ETS1: variants seen among roughly 807,000 people sequenced by gnomAD.
ETS1 encodes the protein ETS proto-oncogene 1, transcription factor, also known as protein C-ets-1.
A neutral mutation model predicts 58.6 loss-of-function variants in ETS1; 15 were observed. The observed-to-expected ratio is 0.26, with a 90% CI of 0.17 to 0.39. The LOEUF (loss-of-function observed/expected upper bound fraction) is 0.39, where lower values mean the gene tolerates loss of function less well. ETS1 is among the 10% of genes least tolerant of loss of function. ETS1 has a pLI of 1.00. For synonymous variants in ETS1, 214 were observed against 218.2 expected, an observed-to-expected ratio of 0.98 and a Z score of 0.17; for missense variants, 417 against 610.5, an observed-to-expected ratio of 0.68 and a Z score of 3.34.
intron 1 of ETS1, among the ~76,000 whole-genome samples, chr11:128,585,230 G>A (rs1865003558): frequency 7.8e-6 from 1 of 129,008 alleles, no homozygotes. Context: ...AAGAAAGAAA[G>A]AAAGAAAGAA....
chr11:128,486,988 G>C (rs919883040), intron 5 of ETS1, among the ~76,000 whole-genome samples: 1 of 152,196 alleles, frequency 6.6e-6, no homozygotes, highest in Non-Finnish European at 1.5e-5. Context: ...AGCTTGTTAG[G>C]AGCAAAGTCT....
chr11:128,493,645 C>T (rs902264123), intron 3 of ETS1, among the ~76,000 whole-genome samples: 2 of 152,088 alleles, frequency 1.3e-5, no homozygotes, highest in African/African-American at 4.8e-5. Context: ...GTCTTTGGAG[C>T]CAAAGGATTC....
chr11:128,585,056 GAA>G (rs1453421481), intron 1 of ETS1, among the ~76,000 whole-genome samples: 2 of 20,046 alleles, frequency 1.0e-4, no homozygotes, highest in African/African-American at 9.4e-4. Flanking sequence ...AAGAAAGAAA[GAA>G]AGAAAGAAAG....
At chr11:128,518,968 G>T (rs1033650914) in intron 3 of ETS1, among the ~76,000 whole-genome samples, 1 of 152,222 alleles carries the variant, frequency 6.6e-6, no homozygotes, top group Admixed American at 6.5e-5. Flanking sequence ...TTGAAGGAAA[G>T]GAAAAATTAA....
chr11:128,572,235 T>A (rs1864651309), intron 2 of ETS1: 1 of 148,174 alleles, frequency 6.7e-6, no homozygotes, highest in African/African-American at 2.5e-5. Context: ...ATTGTGCCAC[T>A]GCACTCCAGC....
chr11:128,493,287 T>A (rs1413598224), intron 3 of ETS1, among the ~76,000 whole-genome samples: 2 of 152,230 alleles, frequency 1.3e-5, no homozygotes, highest in East Asian at 3.8e-4. Flanking sequence ...CTCCCATAAC[T>A]ACACAAGCCC....
intron 8 of ETS1, among the ~76,000 whole-genome samples, chr11:128,473,547 C>G (rs186857306): frequency 6.6e-6 from 1 of 152,156 alleles, no homozygotes; most frequent in African/African-American, 2.4e-5. Context: ...TCCATGCTCT[C>G]AATTCTACAG....
intron 3 of ETS1, among the ~76,000 whole-genome samples, chr11:128,510,391 G>T (rs1453957546): frequency 6.6e-6 from 1 of 152,082 alleles, no homozygotes; most frequent in African/African-American, 2.4e-5. Context: ...GCCAGACTTG[G>T]GTATCCTGAT....
chr11:128,517,117 G>A (rs1863546303), intron 3 of ETS1, among the ~76,000 whole-genome samples: 2 of 152,178 alleles, frequency 1.3e-5, no homozygotes, highest in African/African-American at 4.8e-5. Context: ...TGGACTGCCA[G>A]GCCTGGGGAC....
chr11:128,582,541 G>A (rs1271625795), intron 1 of ETS1, among the ~76,000 whole-genome samples: 1 of 152,160 alleles, frequency 6.6e-6, no homozygotes, highest in African/African-American at 2.4e-5. Flanking sequence ...CAACATGGCA[G>A]AGGTTATTTA....
intron 2 of ETS1, among the ~76,000 whole-genome samples, chr11:128,569,174 C>T (rs1435615780): frequency 1.3e-5 from 2 of 152,110 alleles, no homozygotes; most frequent in Admixed American, 6.6e-5. Flanking sequence ...GCCAGGAGCA[C>T]CTCCTAAATT....
intron 1 of ETS1, among the ~76,000 whole-genome samples, chr11:128,576,280 G>A (rs1471121419): frequency 6.6e-6 from 1 of 152,206 alleles, no homozygotes; most frequent in East Asian, 1.9e-4. Context: ...TTGTGACACA[G>A]AACAGCTGCT....
chr11:128,503,656 C>T (rs954121789), intron 3 of ETS1, among the ~76,000 whole-genome samples: 5 of 152,180 alleles, frequency 3.3e-5, no homozygotes, highest in Admixed American at 3.3e-4. Context: ...CATTCAAACA[C>T]TGCTTCCTTG....
chr11:128,486,133 T>G lies in ETS1; in HGVS notation c.549A>C (p.Pro183=). ...CTGGGTTGACTCCATTAACTTGATA[T>G]GGTTTCACATCCTCTGTAATGAACA... is the stretch of plus-strand genomic sequence containing the variant. The part of the protein sequence containing the change: ...LEILQKEDVK[P]YQVNGVNPAY... The change falls in exon 6 of 10, where the codon CCA becomes CCC. Residue 183 remains proline, a synonymous_variant. Transcript: ENST00000392668. 6.2e-7 allele frequency: 1 copy of G among 1,605,860 alleles called. No individual in the cohort carries two copies. Among genetic ancestry groups the G allele is most frequent in the Non-Finnish European group, 8.5e-7 (1 of 1,172,534 alleles).
intron 2 of ETS1, among the ~76,000 whole-genome samples, chr11:128,569,085 G>A (rs1004801459): frequency 7.2e-5 from 11 of 152,066 alleles, no homozygotes; most frequent in Admixed American, 2.6e-4. Context: ...CAGAATTTGG[G>A]GATGGATAAT....
At chr11:128,546,407 T>TA (rs1323858565) in intron 3 of ETS1, among the ~76,000 whole-genome samples, 2 of 152,194 alleles carry the variant, frequency 1.3e-5, no homozygotes, top group African/African-American at 4.8e-5. Context: ...CATGAGGGAT[T>TA]GGTTCCAGGA....
intron 3 of ETS1, among the ~76,000 whole-genome samples, chr11:128,529,785 T>C (rs913574803): frequency 2.6e-5 from 4 of 152,224 alleles, no homozygotes; most frequent in African/African-American, 7.2e-5. Flanking sequence ...CTCAAGAATC[T>C]ATGCCTATCT....
At position 128,490,573 on chromosome 11, in the gene ETS1, A is replaced by G. The variant is rs755017339; in HGVS notation, c.218T>C (p.Met73Thr). 1 of 1,610,176 alleles carries G rather than the reference A, an allele frequency of 6.2e-7. No individual in the cohort carries two copies. Among genetic ancestry groups the G allele is most frequent in the Non-Finnish European group, 8.5e-7 (1 of 1,176,756 alleles). ...PTGLEHCVSD[M>T]ECADVPLLTP... ...TAATAGTGGGACATCTGCACATTCC[A>G]TATCTGCATGAAAAAATTGCATATG... The change falls in exon 4 of 10, where the codon ATG becomes ACG. Residue 73 changes from methionine to threonine, a missense_variant. Coordinates refer to ENST00000392668, the MANE Select transcript of ETS1 (RefSeq NM_001143820.2).
At chr11:128,524,967 G>GTTGCC (rs1487577189) in intron 3 of ETS1, among the ~76,000 whole-genome samples, 1 of 151,680 alleles carries the variant, frequency 6.6e-6, no homozygotes, top group Non-Finnish European at 1.5e-5. Flanking sequence ...GCAGCCAAGC[G>GTTGCC]TTGCCTTTCA....
Sources: allele counts gnomAD v4.1 joint callset (sites outside exome capture counted in the v4.1 genomes callset), GRCh38; gene constraint gnomAD v4.1.1; transcripts MANE v1.5; gene names NCBI Gene and HGNC (gene_info 2026-07-23, HGNC 2026-07-21).